Variants in POM121 observed in about 807,000 individuals in gnomAD.
POM121 encodes nuclear envelope pore membrane protein POM 121.
A neutral mutation model predicts 81.3 loss-of-function variants in POM121; 32 were observed. The ratio of observed to expected loss-of-function variants is 0.39; its 90% confidence interval spans 0.30 to 0.53. The LOEUF (loss-of-function observed/expected upper bound fraction) is 0.53, where lower values mean the gene tolerates loss of function less well. Among genes scored for constraint, POM121 ranks in the 20% least tolerant of loss-of-function variants. POM121 has a pLI of 0.66. For synonymous variants in POM121, 514 were observed against 694.2 expected (o/e 0.74, Z 4.08); for missense variants, 1,138 against 1,614.6 (o/e 0.70, Z 5.06).
intron 4 of POM121, among the ~76,000 whole-genome samples, chr7:72,919,869 C>T (rs1450687210): frequency 1.3e-5 from 2 of 152,186 alleles, no homozygotes; most frequent in Non-Finnish European, 2.9e-5. Flanking sequence ...AGTTGCACTG[C>T]TGTCTTCTCA....
intron 3 of POM121, among the ~76,000 whole-genome samples, chr7:72,904,376 G>A (rs1483384572): frequency 1.3e-5 from 2 of 152,176 alleles, no homozygotes; most frequent in African/African-American, 4.8e-5. Flanking sequence ...AGGCATCAGT[G>A]GGGTATGCAT....
intron 4 of POM121, among the ~76,000 whole-genome samples, chr7:72,917,784 G>C (rs1794424817): frequency 6.6e-6 from 1 of 152,220 alleles, no homozygotes; most frequent in Non-Finnish European, 1.5e-5. Flanking sequence ...AGACAGCTGG[G>C]CCCGGGGGAC....
chr7:72,937,900 G>T (rs1163426892), intron 5 of POM121, among the ~76,000 whole-genome samples: 1 of 152,136 alleles, frequency 6.6e-6, no homozygotes, highest in Non-Finnish European at 1.5e-5. Context: ...AGTCATAAAC[G>T]TTACGACAGC....
chr7:72,949,666 A>G (rs1161455017), downstream of POM121: 1 of 658,596 alleles, frequency 1.5e-6, no homozygotes, highest in African/African-American at 1.8e-5. Flanking sequence ...CTCTGCCCCA[A>G]GGGCTAAGGG....
At chr7:72,922,757 G>A (rs782683986), upstream of POM121, among the ~76,000 whole-genome samples, 3 of 152,084 alleles carry the variant, frequency 2.0e-5, no homozygotes, top group Admixed American at 6.6e-5. Flanking sequence ...CCCTTTGTGT[G>A]TTCATCTCTT....
chr7:72,913,274 TCCCCACC>T (rs1481334277), intron 3 of POM121, among the ~76,000 whole-genome samples: 2 of 152,198 alleles, frequency 1.3e-5, no homozygotes, highest in African/African-American at 4.8e-5. Flanking sequence ...TTGCGGGGTC[TCCCCACC>T]TCCACTGCGT....
At chr7:72,894,623 AGAG>A (rs1791680842) in intron 3 of POM121, among the ~76,000 whole-genome samples, 2 of 106,420 alleles carry the variant, frequency 1.9e-5, no homozygotes, top group African/African-American at 7.7e-5. Flanking sequence ...GATGAGAGAG[AGAG>A]GAGAGAGAGA....
chr7:72,925,089 A>T (rs1251755621), upstream of POM121: 1 of 1,387,774 alleles, frequency 7.2e-7, no homozygotes, highest in Non-Finnish European at 9.2e-7. Flanking sequence ...GCACGCTGGG[A>T]TATTTAAGTC....
At chr7:72,881,779 G>A (rs1225080044) in intron 1 of POM121, among the ~76,000 whole-genome samples, 5 of 152,054 alleles carry the variant, frequency 3.3e-5, no homozygotes, top group African/African-American at 9.7e-5. Flanking sequence ...ACAGGCGTGC[G>A]CCACCATGCC....
intron 2 of POM121, 56 bp from the exon 3 acceptor site, chr7:72,926,746 C>T (rs1554497570): frequency 1.9e-6 from 3 of 1,593,998 alleles, no homozygotes; most frequent in African/African-American, 2.7e-5. Context: ...GAAGTCTGTG[C>T]TATATGGCAT....
chr7:72,926,910 G>T lies in POM121; in HGVS notation c.969G>T (p.Arg323Ser). 1 of 1,613,978 alleles carries T rather than the reference G, an allele frequency of 6.2e-7. No individual in the cohort carries two copies. The highest frequency in any genetic ancestry group is 8.5e-7 in the Non-Finnish European group (1 of 1,179,868). ...CCCTCAAAGAGAAGGAGAAGAAAAG[G>T]ACAGTGGAGGAAGAAGACCAAATAT... is the stretch of plus-strand genomic sequence containing the variant. ...LSALKEKEKK[R>S]TVEEEDQIFL... Residue 323 changes from arginine to serine, a missense_variant, in exon 3 of 13, where the codon AGG (arginine) becomes AGT (serine). Transcript: ENST00000434423.
At chr7:72,889,885 C>T (rs1210859145) in intron 1 of POM121, among the ~76,000 whole-genome samples, 13 of 152,034 alleles carry the variant, frequency 8.6e-5, no homozygotes, top group Non-Finnish European at 1.9e-4. Flanking sequence ...TCATATTCTT[C>T]CTCCCCTTCA....
intron 3 of POM121, among the ~76,000 whole-genome samples, chr7:72,902,336 C>T (rs1370268075): frequency 1.4e-5 from 2 of 139,802 alleles, no homozygotes; most frequent in Non-Finnish European, 3.0e-5. Context: ...GATCTTGGCT[C>T]ACTGCAACCT....
chr7:72,917,728 T>C (rs1794417933), intron 4 of POM121, among the ~76,000 whole-genome samples: 2 of 152,096 alleles, frequency 1.3e-5, no homozygotes, highest in Admixed American at 6.6e-5. Flanking sequence ...TGTGCAGCGA[T>C]GAGAGAGTGT....
At chr7:72,919,021 G>A (rs1354039174) in intron 4 of POM121, among the ~76,000 whole-genome samples, 2 of 152,026 alleles carry the variant, frequency 1.3e-5, no homozygotes, top group African/African-American at 4.8e-5. Flanking sequence ...GGATGGTCTC[G>A]ATCTCCTGAC....
intron 3 of POM121, among the ~76,000 whole-genome samples, chr7:72,891,292 G>C (rs1404969111): frequency 2.0e-5 from 3 of 151,976 alleles, no homozygotes; most frequent in African/African-American, 7.3e-5. Flanking sequence ...ACATTGGTAG[G>C]GATTTTTTCA....
rs1187822843 is a variant in POM121, at chr7:72,946,949, A to C, written c.*715A>C. The C allele has an allele frequency of 1.2e-6, 1 of 852,042 alleles. No homozygotes were observed. The highest frequency in any genetic ancestry group is 1.4e-6 in the Non-Finnish European group (1 of 719,074). 52.8% of individuals were successfully genotyped at this position (852,042 alleles called of 1,614,324 possible). A position where few individuals can be genotyped will look rare whatever the true frequency, so the allele number is the denominator to read the frequency against. The stretch of plus-strand genomic sequence containing the variant: ...TCAAGACTGTTAGCCTGGCAGAGCC[A>C]GGGGTGAAGGGAGAAGCTCTTGGAG... On this transcript the variant is annotated 3_prime_UTR_variant, in exon 13 of 13. Transcript: ENST00000434423.
rs571689880 is a variant in POM121 at position 72,935,529 on chromosome 7, T to G, written c.1276-3061T>G. Among the ~76,000 whole-genome samples the G allele has an allele frequency of 6.6e-5, 10 of 152,286 alleles. No individual in the cohort carries two copies. In the East Asian group the frequency reaches 1.9e-3, roughly 29 times the overall value. On this transcript the variant is annotated intron_variant, in intron 5 of 12. Coordinates refer to ENST00000434423, the MANE Select transcript of POM121 (RefSeq NM_001387691.1). ...CTTCTCTGTAGAGGTTTTACTTCTT[T>G]TTTATTAGATTTACAATCTCGGCTC...
At chr7:72,949,100 T>A, downstream of POM121, 1 of 1,607,012 alleles carries the variant, frequency 6.2e-7, no homozygotes, top group Non-Finnish European at 8.5e-7. Flanking sequence ...CTGCTCGGCA[T>A]ACCTAAGGAA....
Sources: allele counts gnomAD v4.1 joint callset (sites outside exome capture counted in the v4.1 genomes callset), GRCh38; gene constraint gnomAD v4.1.1; transcripts MANE v1.5; gene names NCBI Gene and HGNC (gene_info 2026-07-23, HGNC 2026-07-21).